Variants in DLG2 observed in about 807,000 individuals in gnomAD.
DLG2 encodes discs large MAGUK scaffold protein 2, also known as disks large homolog 2.
A neutral mutation model predicts 132.5 loss-of-function variants in DLG2; 45 were observed. That is an observed-to-expected ratio of 0.34 (90% CI 0.27 to 0.44). The LOEUF (loss-of-function observed/expected upper bound fraction) is 0.44. DLG2 is among the 20% of genes least tolerant of loss of function. The pLI is 1.00. For missense variants in DLG2, 1,045 were observed against 1,196.9 expected (o/e 0.87, Z 1.87); for synonymous variants, 424 against 419.6 (o/e 1.01, Z -0.13).
intron 19 of DLG2, among the ~76,000 whole-genome samples, chr11:83,604,083 G>A (rs1259619895): frequency 6.6e-6 from 1 of 152,102 alleles, no homozygotes; most frequent in Non-Finnish European, 1.5e-5. Context: ...GAATATCTTT[G>A]CTCAAGCTTG....
chr11:84,950,991 T>C (rs1591733440), intron 6 of DLG2, among the ~76,000 whole-genome samples: 1 of 152,242 alleles, frequency 6.6e-6, no homozygotes, highest in African/African-American at 2.4e-5. Context: ...GTATTTAAAG[T>C]AGACTCTACC....
At chr11:84,260,141 C>CT (rs1168389504) in intron 7 of DLG2, among the ~76,000 whole-genome samples, 2 of 151,900 alleles carry the variant, frequency 1.3e-5, no homozygotes, top group African/African-American at 4.8e-5. Flanking sequence ...TTGGTCTTCC[C>CT]TTTTTTTTCT....
intron 4 of DLG2, among the ~76,000 whole-genome samples, chr11:85,183,634 A>G (rs1459703283): frequency 6.6e-6 from 1 of 152,026 alleles, no homozygotes; most frequent in East Asian, 1.9e-4. Context: ...GACACACAGA[A>G]TATTATGGCT....
chr11:84,473,533 G>A (rs1335790631), intron 7 of DLG2, among the ~76,000 whole-genome samples: 1 of 151,934 alleles, frequency 6.6e-6, no homozygotes, highest in Non-Finnish European at 1.5e-5. Flanking sequence ...TTGCATGGAA[G>A]AATGCCATCA....
In DLG2 at chr11:84,774,055, A is replaced by G. The variant is rs139870791; in HGVS notation, c.358-239324T>C. Among the ~76,000 whole-genome samples the G allele has an allele frequency of 5.8e-4, 89 of 152,200 alleles. 1 individual carries two copies. The East Asian group carries it at 0.014, about 25-fold the overall frequency. The stretch of plus-strand genomic sequence containing the variant: ...AATACCCTAAAGATTTCAATAAAAG[A>G]CTCTTGGAACTGATAAAAGACTTCA... On this transcript the variant is annotated intron_variant, in intron 6 of 27. Transcript: ENST00000376104.
In DLG2 at chr11:83,928,495, T is replaced by C. The variant is rs183909500; in HGVS notation, c.1496+1833A>G. Among the ~76,000 whole-genome samples the C allele has an allele frequency of 2.2e-3, 333 of 150,544 alleles. 2 individuals are homozygous for C. The highest frequency in any genetic ancestry group is 7.8e-3 in the African/African-American group (318 of 40,990). On this transcript the variant is annotated intron_variant, in intron 15 of 27. Coordinates refer to ENST00000376104, the MANE Select transcript of DLG2 (RefSeq NM_001142699.3). ...ACATTCATAAAAAAGGAACACAGGA[T>C]AAAAAGAAAAAAAATATTTACTGAC...
intron 14 of DLG2, among the ~76,000 whole-genome samples, chr11:83,931,043 C>G (rs777342235): frequency 6.6e-5 from 10 of 152,002 alleles, no homozygotes; most frequent in Non-Finnish European, 1.3e-4. Flanking sequence ...TCATTTTTTT[C>G]TTATATAAAT....
chr11:85,227,586 G>A (rs1286408175), intron 4 of DLG2, among the ~76,000 whole-genome samples: 1 of 152,104 alleles, frequency 6.6e-6, no homozygotes, highest in Non-Finnish European at 1.5e-5. Flanking sequence ...TATCTGCCTT[G>A]CATAATTCTT....
Position 84,762,946 on chromosome 11 carries a change from C to G in DLG2, c.358-228215G>C, listed in dbSNP as rs58877645. Among the ~76,000 whole-genome samples, 1,187 of 152,150 alleles carry G rather than the reference C, an allele frequency of 7.8e-3. 18 individuals are homozygous for G. Among genetic ancestry groups the G allele is most frequent in the African/African-American group, 0.026 (1,080 of 41,506 alleles). ...TGGAAGGTTTCTTAAAGAAAATGTTCAACTTAATATCCAAATTGAAAAAAA... is the reference window on the plus strand; with the variant it reads ...TGGAAGGTTTCTTAAAGAAAATGTTGAACTTAATATCCAAATTGAAAAAAA... On this transcript the variant is annotated intron_variant, in intron 6 of 27. Coordinates refer to ENST00000376104, the MANE Select transcript of DLG2 (RefSeq NM_001142699.3).
intron 4 of DLG2, among the ~76,000 whole-genome samples, chr11:85,218,919 G>A (rs769275131): frequency 9.2e-5 from 14 of 152,092 alleles, no homozygotes; most frequent in African/African-American, 1.7e-4. Flanking sequence ...TTGCAGCAAC[G>A]TGGATGCATT....
intron 6 of DLG2, chr11:84,923,411 A>G (rs2092851716): frequency 2.0e-6 from 2 of 1,004,898 alleles, no homozygotes; most frequent in Non-Finnish European, 2.4e-6. Flanking sequence ...AGCATTTTAA[A>G]TCACTGGATT....
chr11:83,931,969 C>T (rs2080326172), intron 14 of DLG2, among the ~76,000 whole-genome samples: 1 of 152,132 alleles, frequency 6.6e-6, no homozygotes, highest in Non-Finnish European at 1.5e-5. Flanking sequence ...CCTTCTATTT[C>T]TTACCTATTT....
chr11:84,846,205 C>T (rs1198458413), intron 6 of DLG2, among the ~76,000 whole-genome samples: 1 of 152,032 alleles, frequency 6.6e-6, no homozygotes, highest in Non-Finnish European at 1.5e-5. Context: ...TTCTGTCCTG[C>T]AGGTTTCTAT....
chr11:84,365,428 G>A (rs1478326857), intron 7 of DLG2, among the ~76,000 whole-genome samples: 3 of 151,984 alleles, frequency 2.0e-5, no homozygotes, highest in South Asian at 2.1e-4. Context: ...CTTGCTAGCG[G>A]TCTATCAATT....
intron 7 of DLG2, among the ~76,000 whole-genome samples, chr11:84,346,785 C>G (rs2098541221): frequency 6.6e-6 from 1 of 152,090 alleles, no homozygotes; most frequent in Admixed American, 6.5e-5. Context: ...ACCATGTTGG[C>G]CAGGATGGTC....
At chr11:83,513,512 T>C (rs2095149623) in intron 21 of DLG2, among the ~76,000 whole-genome samples, 1 of 152,250 alleles carries the variant, frequency 6.6e-6, no homozygotes, top group Non-Finnish European at 1.5e-5. Flanking sequence ...TCTTTTGCTG[T>C]GCAGAAGCTC....
chr11:83,974,557 A>G (rs2091909335), intron 12 of DLG2, among the ~76,000 whole-genome samples: 1 of 152,060 alleles, frequency 6.6e-6, no homozygotes, highest in African/African-American at 2.4e-5. Flanking sequence ...ACTTCACAGA[A>G]TTTTTAATAT....
chr11:83,859,744 T>C (rs1215479206), intron 16 of DLG2, among the ~76,000 whole-genome samples: 1 of 152,126 alleles, frequency 6.6e-6, no homozygotes, highest in East Asian at 1.9e-4. Context: ...ATGTGGAAAA[T>C]GTCTCCAGGG....
chr11:85,047,293 G>A (rs1566728729), intron 6 of DLG2, among the ~76,000 whole-genome samples: 1 of 151,800 alleles, frequency 6.6e-6, no homozygotes, highest in Non-Finnish European at 1.5e-5. Context: ...TTAGTAGAGT[G>A]GGCAAATCAT....
Sources: gnomAD v4.1 joint callset for allele counts (sites outside exome capture counted in the v4.1 genomes callset) on GRCh38, gnomAD v4.1.1 for gene constraint, MANE v1.5 for transcripts, NCBI Gene and HGNC (gene_info 2026-07-23, HGNC 2026-07-21) for gene names.